SNTG2: variants seen among roughly 807,000 people sequenced by gnomAD.
SNTG2 encodes the protein syntrophin gamma 2, also known as gamma-2-syntrophin.
SNTG2 carries 74 observed loss-of-function variants against 70.9 expected under a neutral mutation model. The observed-to-expected ratio is 1.04, with a 90% confidence interval of 0.86 to 1.27. The LOEUF is 1.27. Ranked by LOEUF, SNTG2 falls within the 50% of genes most tolerant of loss-of-function variation. The pLI is 0.00. For synonymous variants in SNTG2, 278 were observed against 273.8 expected (o/e 1.02, Z -0.15); for missense variants, 717 against 690.7 (o/e 1.04, Z -0.43).
chr2:1,334,918 A>C (rs1466813176), intron 16 of SNTG2, among the ~76,000 whole-genome samples: 1 of 152,178 alleles, frequency 6.6e-6, no homozygotes, highest in African/African-American at 2.4e-5. Context: ...AAAAACCCCC[A>C]TTCCCCAAAA....
intron 14 of SNTG2, among the ~76,000 whole-genome samples, chr2:1,293,330 T>C (rs1227938378): frequency 1.3e-5 from 2 of 152,084 alleles, no homozygotes; most frequent in African/African-American, 2.4e-5. Flanking sequence ...ATTTTCTATA[T>C]TGTTTTTCTA....
chr2:1,039,144 A>T (rs1310509408), intron 1 of SNTG2, among the ~76,000 whole-genome samples: 2 of 152,210 alleles, frequency 1.3e-5, no homozygotes, highest in Admixed American at 1.3e-4. Flanking sequence ...TTCCCAGTTA[A>T]GGTATATAAA....
chr2:994,914 G>A (rs1435194422), intron 1 of SNTG2, among the ~76,000 whole-genome samples: 6 of 150,234 alleles, frequency 4.0e-5, no homozygotes, highest in Non-Finnish European at 5.9e-5. Flanking sequence ...TATTGATCTC[G>A]TATCCTGCCA....
intron 1 of SNTG2, among the ~76,000 whole-genome samples, chr2:1,053,917 C>T (rs1662221178): frequency 1.3e-5 from 2 of 149,884 alleles, no homozygotes; most frequent in Non-Finnish European, 3.0e-5. Context: ...TTTGTCCCCT[C>T]CTCTCCTCCC....
intron 2 of SNTG2, among the ~76,000 whole-genome samples, chr2:1,095,203 C>T (rs1286067702): frequency 5.9e-5 from 9 of 152,230 alleles, no homozygotes; most frequent in Non-Finnish European, 7.3e-5. Context: ...CCTACAGGCC[C>T]TACCTCCAAT....
At chr2:1,301,964 C>CTT (rs773498290) in intron 14 of SNTG2, among the ~76,000 whole-genome samples, 4 of 141,364 alleles carry the variant, frequency 2.8e-5, no homozygotes, top group Non-Finnish European at 6.2e-5. Flanking sequence ...AGTTTTCTTA[C>CTT]TTTTTTTTTT....
intron 1 of SNTG2, among the ~76,000 whole-genome samples, chr2:964,900 ATG>A (rs1660474674): frequency 6.6e-6 from 1 of 152,074 alleles, no homozygotes; most frequent in Non-Finnish European, 1.5e-5. Context: ...GACGGGGAGA[ATG>A]GGTGGCAGCC....
At chr2:1,186,262 A>G (rs142577862) in intron 8 of SNTG2, among the ~76,000 whole-genome samples, 22 of 152,286 alleles carry the variant, frequency 1.4e-4, no homozygotes, top group African/African-American at 5.3e-4. Flanking sequence ...CACTATCAGC[A>G]TTTTGGTCAC....
chr2:1,071,897 T>G (rs1430859563), intron 1 of SNTG2, among the ~76,000 whole-genome samples: 1 of 152,220 alleles, frequency 6.6e-6, no homozygotes, highest in Non-Finnish European at 1.5e-5. Context: ...CACAGCATTC[T>G]CTTAGCCAGA....
intron 14 of SNTG2, among the ~76,000 whole-genome samples, chr2:1,292,245 T>C (rs1288651035): frequency 3.9e-5 from 6 of 152,146 alleles, no homozygotes; most frequent in Non-Finnish European, 5.9e-5. Context: ...AACAGATTTT[T>C]TTTTGTTCTG....
chr2:1,115,708 C>T (rs942813396), intron 4 of SNTG2, among the ~76,000 whole-genome samples: 21 of 116,838 alleles, frequency 1.8e-4, no homozygotes, highest in Admixed American at 1.2e-3. Flanking sequence ...TGAGAAGGAT[C>T]GTGTGTACTA....
At chr2:1,227,447 C>T (rs1308039785) in intron 9 of SNTG2, among the ~76,000 whole-genome samples, 9 of 152,338 alleles carry the variant, frequency 5.9e-5, no homozygotes, top group African/African-American at 9.6e-5. Context: ...GTGTTCGCTC[C>T]GGAAGTGGAG....
At chr2:1,203,501 A>C (rs1301928980) in intron 8 of SNTG2, among the ~76,000 whole-genome samples, 2 of 149,064 alleles carry the variant, frequency 1.3e-5, no homozygotes, top group African/African-American at 4.9e-5. Flanking sequence ...CTACTTAAAA[A>C]AAAAAAGCCA....
At chr2:1,008,898 G>T (rs1284076145) in intron 1 of SNTG2, among the ~76,000 whole-genome samples, 2 of 152,112 alleles carry the variant, frequency 1.3e-5, no homozygotes, top group Non-Finnish European at 2.9e-5. Flanking sequence ...ACCTAATTTT[G>T]CATTTGACAG....
chr2:1,299,582 T>C (rs904936479), intron 14 of SNTG2, among the ~76,000 whole-genome samples: 10 of 152,304 alleles, frequency 6.6e-5, no homozygotes, highest in Admixed American at 2.0e-4. Flanking sequence ...CACCTTGGTC[T>C]CTTCTGCAAA....
At chr2:1,029,990 A>C (rs1660722165) in intron 1 of SNTG2, among the ~76,000 whole-genome samples, 2 of 152,106 alleles carry the variant, frequency 1.3e-5, no homozygotes, top group Non-Finnish European at 2.9e-5. Flanking sequence ...GTTGATGCAG[A>C]GTGACTCGGC....
At chr2:1,020,201 GCT>G (rs1660085821) in intron 1 of SNTG2, among the ~76,000 whole-genome samples, 1 of 152,244 alleles carries the variant, frequency 6.6e-6, no homozygotes, top group African/African-American at 2.4e-5. Flanking sequence ...ATACGTGCAT[GCT>G]CTTCCAGCCT....
chr2:1,205,170 A>G (rs1189421641), intron 8 of SNTG2, among the ~76,000 whole-genome samples: 1 of 152,220 alleles, frequency 6.6e-6, no homozygotes, highest in Admixed American at 6.5e-5. Flanking sequence ...CTTTGTGTCC[A>G]TACATACATG....
At chr2:1,048,444 A>G (rs974544943) in intron 1 of SNTG2, among the ~76,000 whole-genome samples, 3 of 152,054 alleles carry the variant, frequency 2.0e-5, no homozygotes, top group Non-Finnish European at 4.4e-5. Context: ...ATATAGATAG[A>G]TAGATATCTA....
Sources: gnomAD v4.1 joint callset for allele counts (sites outside exome capture counted in the v4.1 genomes callset) on GRCh38, gnomAD v4.1.1 for gene constraint, MANE v1.5 for transcripts, NCBI Gene and HGNC (gene_info 2026-07-23, HGNC 2026-07-21) for gene names.